Variants in RBM4 observed in about 807,000 individuals in gnomAD.
The protein encoded by RBM4 is RNA binding motif protein 4, also known as RNA-binding protein 4.
Under a neutral mutation model 29.5 loss-of-function variants are expected in RBM4, and 7 were observed. The ratio of observed to expected loss-of-function variants is 0.24; its 90% CI spans 0.14 to 0.45. The LOEUF is 0.45. Among genes scored for constraint, RBM4 ranks in the 20% least tolerant of loss-of-function variants. The probability of loss-of-function intolerance (pLI) is 1.00; values close to 1 mark genes in which losing one functional copy is unlikely to be tolerated. For synonymous variants in RBM4, 220 were observed against 205.4 expected (o/e 1.07, Z -0.61); for missense variants, 387 against 502.3 (o/e 0.77, Z 2.19).
intron 1 of RBM4, chr11:66,639,035 G>A (rs937021486): frequency 1.3e-5 from 2 of 152,016 alleles, no homozygotes; most frequent in African/African-American, 4.8e-5. Context: ...ATATCTGACA[G>A]TTACATTCTC....
chr11:66,648,534 G>A (rs1053580844), downstream of RBM4, among the ~76,000 whole-genome samples: 1 of 151,690 alleles, frequency 6.6e-6, no homozygotes, highest in African/African-American at 2.4e-5. Context: ...AAAACTTTTT[G>A]CCAGGCGCGG....
intron 2 of RBM4, among the ~76,000 whole-genome samples, chr11:66,661,207 G>C (rs768682701): frequency 6.6e-6 from 1 of 152,198 alleles, no homozygotes; most frequent in East Asian, 1.9e-4. Flanking sequence ...CAGCGGCAGA[G>C]CCTAGCTCTG....
At chr11:66,659,767 T>C (rs1939039460) in intron 2 of RBM4, among the ~76,000 whole-genome samples, 1 of 152,178 alleles carries the variant, frequency 6.6e-6, no homozygotes, top group African/African-American at 2.4e-5. Flanking sequence ...TGTTGCCTCT[T>C]TTCTCCATGT....
rs1939222020 is a variant in RBM4, at chr11:66,666,082, A to C, written c.*117A>C. 5 of 937,094 alleles carry C rather than the reference A, an allele frequency of 5.3e-6. No individual in the cohort carries two copies. The Admixed American group carries it at 8.4e-5, about 16-fold the overall frequency. The allele number at this position is 937,094 out of a possible 1,614,324, so 58.0% of individuals were successfully genotyped here. A position where few individuals can be genotyped will look rare whatever the true frequency, so the allele number is the denominator to read the frequency against. On this transcript the variant is annotated 3_prime_UTR_variant, in exon 3 of 3. Transcript: ENST00000396053. Reference sequence around the variant, plus strand: ...GTAGGATATCAAGGAGCAGCCAGTCATTCACCCAATTCCAACACACCTACA... The same window carrying C: ...GTAGGATATCAAGGAGCAGCCAGTCCTTCACCCAATTCCAACACACCTACA...
At chr11:66,666,239 C>A (rs978903670) in exon 3 of RBM4, 2 of 981,672 alleles carry the variant, frequency 2.0e-6, no homozygotes, top group Non-Finnish European at 2.6e-6. Flanking sequence ...ACTCCAGACA[C>A]CAATGGCTGG....
chr11:66,642,926 C>T (rs1342922697), intron 2 of RBM4, among the ~76,000 whole-genome samples: 1 of 152,240 alleles, frequency 6.6e-6, no homozygotes, highest in African/African-American at 2.4e-5. Flanking sequence ...TTGAGATTTG[C>T]TTGCCACATT....
intron 1 of RBM4, chr11:66,639,431 A>G: frequency 4.2e-6 from 2 of 478,594 alleles, no homozygotes; most frequent in South Asian, 3.3e-5. Flanking sequence ...TTTCATGCCC[A>G]TTTCTGTTGG....
At chr11:66,659,220 A>G (rs1022896396) in intron 2 of RBM4, among the ~76,000 whole-genome samples, 1 of 149,072 alleles carries the variant, frequency 6.7e-6, no homozygotes, top group African/African-American at 2.5e-5. Context: ...TCTGTGCTCA[A>G]GATTCAGGGA....
At position 66,639,626 on chromosome 11, in the gene RBM4, G is replaced by T. The variant is rs1453343721; in HGVS notation, c.-12-74G>T. ...GAGAAAACTGGAAATATACATTAGA[G>T]TGAAAGTCGTTGTCTTTTGTGAACG... is the stretch of plus-strand genomic sequence containing the variant. On this transcript the variant is annotated intron_variant, in intron 1 of 3. Transcript: ENST00000310092. The T allele has an allele frequency of 2.0e-5, 30 of 1,527,704 alleles. No individual in the cohort carries two copies. In the East Asian group the frequency reaches 3.2e-4, roughly 16 times the overall value. 94.6% of individuals were successfully genotyped at this position (1,527,704 alleles called of 1,614,324 possible). A position where few individuals can be genotyped will look rare whatever the true frequency, so the allele number is the denominator to read the frequency against.
At position 66,643,960 on chromosome 11, in the gene RBM4, G is replaced by A; in HGVS notation, c.923G>A (p.Arg308Gln). ...TCCACTTCATATTACGGGCGGGATC[G>A]GAGCCCCCTGCGTCGCGCTACAGCC... ...AASTSYYGRD[R>Q]SPLRRATAPV... is the part of the protein sequence containing the mutation. The change falls in exon 3 of 4, where the codon CGG (arginine) becomes CAG (glutamine). Residue 308 changes from arginine to glutamine, a missense_variant. Transcript: ENST00000310092. The surrounding 1 kb of genome is among the most constrained non-coding windows in gnomAD (Gnocchi z 6.1). The A allele has an allele frequency of 2.5e-6, 4 of 1,613,004 alleles. No homozygotes were observed. Among genetic ancestry groups the A allele is most frequent in the Non-Finnish European group, 3.4e-6 (4 of 1,180,010 alleles).
intron 1 of RBM4, 102 bp from the exon 2 acceptor site, chr11:66,639,598 A>T (rs1191514344): frequency 1.4e-6 from 2 of 1,413,958 alleles, no homozygotes; most frequent in South Asian, 1.4e-5. Flanking sequence ...CAGGCGTGTG[A>T]GAGAGAAAAC....
intron 3 of RBM4, chr11:66,644,719 T>A (rs1235253001): frequency 2.1e-6 from 2 of 971,720 alleles, no homozygotes; most frequent in East Asian, 2.3e-4. Flanking sequence ...TCAACCCTTA[T>A]GAGTTTTATA....
downstream of RBM4, among the ~76,000 whole-genome samples, chr11:66,647,418 CAT>C (rs1938724077): frequency 6.6e-6 from 1 of 152,168 alleles, no homozygotes; most frequent in African/African-American, 2.4e-5. Flanking sequence ...CTCTATACAA[CAT>C]GTAATTTATT....
At chr11:66,655,182 C>A (rs1289081311) in intron 2 of RBM4, among the ~76,000 whole-genome samples, 1 of 152,084 alleles carries the variant, frequency 6.6e-6, no homozygotes, top group Non-Finnish European at 1.5e-5. Flanking sequence ...GATGGTGTTT[C>A]ACCATGTTGG....
chr11:66,654,244 C>A (rs1291268025), intron 2 of RBM4, among the ~76,000 whole-genome samples: 7 of 151,998 alleles, frequency 4.6e-5, no homozygotes, highest in Non-Finnish European at 7.4e-5. Context: ...GTAATCCCAG[C>A]ACTTTGGGAG....
At chr11:66,661,936 A>G (rs1448213864) in intron 2 of RBM4, among the ~76,000 whole-genome samples, 1 of 152,206 alleles carries the variant, frequency 6.6e-6, no homozygotes, top group Non-Finnish European at 1.5e-5. Flanking sequence ...AGGTTGAGAC[A>G]GGAGAATTGC....
intron 3 of RBM4, among the ~76,000 whole-genome samples, chr11:66,645,418 AG>A (rs944690978): frequency 6.6e-6 from 1 of 152,190 alleles, no homozygotes; most frequent in Non-Finnish European, 1.5e-5. Context: ...TGGCTTTCCC[AG>A]GGTCATTGGG....
chr11:66,644,042 A>G lies in RBM4; in HGVS notation c.1005A>G (p.Gln335=), dbSNP rs769153564. 1.2e-6 allele frequency: 2 copies of G among 1,613,836 alleles called. No homozygotes were observed. The highest frequency in any genetic ancestry group is 1.7e-5 in the Admixed American group (1 of 60,014). The change falls in exon 3 of 4, where the codon CAA becomes CAG. Residue 335 remains glutamine (Q), a synonymous_variant. Transcript: ENST00000310092. ...ACGGGCATGAGAGTGAGTTGTCCCA[A>G]GCTTCAGCAGCCGCGCGGAATTCTC... ...YGYGHESELS[Q]ASAAARNSLY... is the part of the protein sequence containing the mutation.
intron 2 of RBM4, among the ~76,000 whole-genome samples, chr11:66,657,314 A>T (rs1938968386): frequency 6.6e-6 from 1 of 151,420 alleles, no homozygotes; most frequent in Non-Finnish European, 1.5e-5. Flanking sequence ...TTTGGTAGAG[A>T]TGGGGTCTCC....
Sources: gnomAD v4.1 joint callset for allele counts (sites outside exome capture counted in the v4.1 genomes callset) on GRCh38, gnomAD v4.1.1 for gene constraint, Gnocchi (gnomAD v3.1) non-coding constraint, MANE v1.5 for transcripts, NCBI Gene and HGNC (gene_info 2026-07-23, HGNC 2026-07-21) for gene names.